Variants in TAGLN2 observed in about 807,000 individuals in gnomAD.
The protein encoded by TAGLN2 is transgelin-2.
In TAGLN2, 14 loss-of-function variants were observed where a neutral mutation model predicts 24.9. That is an observed-to-expected ratio of 0.56 (90% CI 0.37 to 0.88). TAGLN2 has a LOEUF of 0.88. TAGLN2 is among the 40% of genes least tolerant of loss of function. TAGLN2 has a pLI of 0.00. For missense variants in TAGLN2, 208 were observed against 258.9 expected, an observed-to-expected ratio of 0.80 and a Z score of 1.35; for synonymous variants, 77 against 98.2, an observed-to-expected ratio of 0.78 and a Z score of 1.28.
At chr1:159,923,971 G>A (rs1339769434) in intron 1 of TAGLN2, among the ~76,000 whole-genome samples, 1 of 152,196 alleles carries the variant, frequency 6.6e-6, no homozygotes, top group Non-Finnish European at 1.5e-5. Flanking sequence ...ATTATTCCAG[G>A]AGACAGCTAT....
Position 159,918,489 on chromosome 1 carries a change from G to A in TAGLN2, c.*311C>T, listed in dbSNP as rs1221243323. The A allele has an allele frequency of 3.3e-6, 1 of 301,438 alleles. No individual in the cohort carries two copies. The highest frequency in any genetic ancestry group is 4.6e-5 in the Admixed American group (1 of 21,580). The allele number at this position is 301,438 out of a possible 1,614,324, so 18.7% of individuals were successfully genotyped here. A position where few individuals can be genotyped will look rare whatever the true frequency, so the allele number is the denominator to read the frequency against. On this transcript the variant is annotated 3_prime_UTR_variant, in exon 5 of 5. Coordinates refer to ENST00000368097, the MANE Select transcript of TAGLN2 (RefSeq NM_003564.3). ...AGAGCTCAGAGACAGAACAGGCCAG[G>A]GGGAAGAAGGAGAGACAGAATAGGC...
At chr1:159,925,208 G>C (rs892355471) in intron 1 of TAGLN2, 1 of 151,304 alleles carries the variant, frequency 6.6e-6, no homozygotes, top group Admixed American at 6.5e-5. Flanking sequence ...CTGAGTCCCT[G>C]CTCCAGACGG....
intron 1 of TAGLN2, chr1:159,924,509 C>T (rs1650640204): frequency 6.6e-6 from 1 of 152,514 alleles, no homozygotes. Flanking sequence ...TCCCAGGACA[C>T]CGGCTTCAGG....
rs759577571 is a variant in TAGLN2, at chr1:159,919,802, C to T, written c.214G>A (p.Glu72Lys). The change falls in exon 3 of 5, where the codon GAG (glutamate) becomes AAG (lysine). Residue 72 changes from glutamate (E) to lysine (K), a missense_variant. Transcript: ENST00000368097. ...ATCTTCTTTACTGGGGCCTGCCCCT[C>T]GGGGTACAGTGCATTAATGAGCTCA... is the stretch of plus-strand genomic sequence containing the variant. ...LCELINALYP[E>K]GQAPVKKIQA... 41 of 1,613,988 alleles carry T rather than the reference C, an allele frequency of 2.5e-5. No homozygotes were observed. The highest frequency in any genetic ancestry group is 5.3e-5 in the African/African-American group (4 of 74,906).
intron 1 of TAGLN2, among the ~76,000 whole-genome samples, chr1:159,923,071 G>A (rs893307055): frequency 1.3e-5 from 2 of 152,252 alleles, no homozygotes; most frequent in African/African-American, 4.8e-5. Flanking sequence ...CCACCCCCAC[G>A]GGCAGGCAGA....
intron 1 of TAGLN2, among the ~76,000 whole-genome samples, chr1:159,924,011 T>C (rs1650621608): frequency 6.6e-6 from 1 of 151,818 alleles, no homozygotes; most frequent in South Asian, 2.1e-4. Flanking sequence ...TGGGGGAAGA[T>C]AGGAAATGAC....
At position 159,920,532 on chromosome 1, in the gene TAGLN2, G is replaced by A. The variant is rs373828343; in HGVS notation, c.-23C>T. Reference sequence around the variant, plus strand: ...CATTCCAATGGGTGGCGGTGGCTGCGGGGAGCTAGGGAGAGGACACACCCG... The same window carrying A: ...CATTCCAATGGGTGGCGGTGGCTGCAGGGAGCTAGGGAGAGGACACACCCG... On this transcript the variant is annotated 5_prime_UTR_variant, in exon 2 of 5. Coordinates refer to ENST00000368097, the MANE Select transcript of TAGLN2 (RefSeq NM_003564.3). The A allele has an allele frequency of 6.8e-5, 109 of 1,612,774 alleles. No individual in the cohort carries two copies. Among genetic ancestry groups the A allele is most frequent in the Admixed American group, 1.5e-4 (9 of 59,982 alleles).
At chr1:159,921,315 T>C (rs1388077494) in intron 1 of TAGLN2, among the ~76,000 whole-genome samples, 1 of 152,100 alleles carries the variant, frequency 6.6e-6, no homozygotes, top group African/African-American at 2.4e-5. Flanking sequence ...CCCAGTGTAA[T>C]CACAAGGGCC....
chr1:159,923,116 C>G (rs1650589642), intron 1 of TAGLN2, among the ~76,000 whole-genome samples: 2 of 152,220 alleles, frequency 1.3e-5, no homozygotes, highest in Non-Finnish European at 2.9e-5. Flanking sequence ...GCTGGGAAGG[C>G]CCACCCTAGG....
At chr1:159,920,124 G>T (rs749989767) in intron 2 of TAGLN2, 8 of 856,192 alleles carry the variant, frequency 9.3e-6, no homozygotes, top group Non-Finnish European at 1.4e-5. Flanking sequence ...CACTGCCTGG[G>T]AGGCACATTC....
chr1:159,921,291 A>G (rs758982295), intron 1 of TAGLN2, among the ~76,000 whole-genome samples: 2 of 152,210 alleles, frequency 1.3e-5, no homozygotes, highest in Non-Finnish European at 2.9e-5. Flanking sequence ...ATTATCCTGC[A>G]TCATCTAAAT....
chr1:159,919,265 A>T lies in TAGLN2; in HGVS notation c.458+9T>A. The T allele has an allele frequency of 6.2e-7, 1 of 1,613,378 alleles. No individual in the cohort carries two copies. Among genetic ancestry groups the T allele is most frequent in the East Asian group, 2.2e-5 (1 of 44,876 alleles). On this transcript the variant is annotated intron_variant, in intron 4 of 4. Coordinates refer to ENST00000368097, the MANE Select transcript of TAGLN2 (RefSeq NM_003564.3). ...TGCTGGACCCTGCGGCTGTCCCAGC[A>T]ATACTTACTTAGGGAACCAGTTGGG...
At chr1:159,919,480 T>C (rs1365611849) in intron 3 of TAGLN2, 104 bp from the exon 4 acceptor site, 15 of 1,381,260 alleles carry the variant, frequency 1.1e-5, no homozygotes, top group African/African-American at 1.4e-5. Flanking sequence ...TTATTTCTAC[T>C]GTTCATTTCC....
intron 1 of TAGLN2, 161 bp downstream of exon 1, chr1:159,925,289 A>T (rs1650667948): frequency 1.3e-5 from 2 of 152,248 alleles, no homozygotes; most frequent in South Asian, 4.1e-4. Flanking sequence ...GGGCTTGGGG[A>T]CAGGACCTGA....
chr1:159,922,699 C>T (rs1650571837), intron 1 of TAGLN2, among the ~76,000 whole-genome samples: 1 of 152,102 alleles, frequency 6.6e-6, no homozygotes, highest in Non-Finnish European at 1.5e-5. Context: ...GCCTGAGGCT[C>T]GGGGATCACC....
rs541645058 is a variant in TAGLN2 at position 159,925,487 on chromosome 1, G to C, written c.-66C>G. ...CTGGAGAGCGGCGCACTGACTCAAG[G>C]CAAGGGCTGCAGCTGCAAGTGGTGC... On this transcript the variant is annotated 5_prime_UTR_variant, in exon 1 of 5. Transcript: ENST00000368097. 8 of 152,406 alleles carry C rather than the reference G, an allele frequency of 5.2e-5. No individual in the cohort carries two copies. The highest frequency in any genetic ancestry group is 1.7e-4 in the African/African-American group (7 of 41,592). The allele number at this position is 152,406 out of a possible 1,614,324, so 9.4% of individuals were successfully genotyped here.
At chr1:159,923,387 G>A in intron 1 of TAGLN2, 1 of 1,542,924 alleles carries the variant, frequency 6.5e-7, no homozygotes, top group East Asian at 2.5e-5. Flanking sequence ...AACGGGGAGG[G>A]GCCACGCAAG....
chr1:159,921,848 C>T (rs935917195), intron 1 of TAGLN2, among the ~76,000 whole-genome samples: 6 of 152,222 alleles, frequency 3.9e-5, no homozygotes, highest in Admixed American at 2.0e-4. Flanking sequence ...GAGCAAGACC[C>T]GGGCATGGTA....
In TAGLN2 at chr1:159,918,733, G is replaced by C; in HGVS notation, c.*67C>G. On this transcript the variant is annotated 3_prime_UTR_variant, in exon 5 of 5. Coordinates refer to ENST00000368097, the MANE Select transcript of TAGLN2 (RefSeq NM_003564.3). ...TCTGGGGCTCTCTGGGAATGTCACT[G>C]CTAAAATATATATCTACATATATAT... The C allele has an allele frequency of 6.4e-7, 1 of 1,558,088 alleles. No homozygotes were observed.
Sources: gnomAD v4.1 joint callset for allele counts (sites outside exome capture counted in the v4.1 genomes callset) on GRCh38, gnomAD v4.1.1 for gene constraint, MANE v1.5 for transcripts, NCBI Gene and HGNC (gene_info 2026-07-23, HGNC 2026-07-21) for gene names.